The following PDHX variants were observed in gnomAD, a reference collection of about 807,000 sequenced individuals.
PDHX encodes the protein pyruvate dehydrogenase protein X component, mitochondrial.
PDHX carries 33 observed loss-of-function variants against 55.3 expected under a neutral mutation model. That is an observed-to-expected ratio of 0.60 (90% CI 0.45 to 0.80). PDHX has a LOEUF of 0.80. PDHX is among the 30% of genes least tolerant of loss of function. The pLI is 0.00. For missense variants in PDHX, 622 were observed against 619.9 expected, an observed-to-expected ratio of 1.00 and a Z score of -0.04; for synonymous variants, 226 against 219.4, an observed-to-expected ratio of 1.03 and a Z score of -0.27.
chr11:34,970,098 TC>T, intron 6 of PDHX, 40 bp from the exon 7 acceptor site: 1 of 1,588,838 alleles, frequency 6.3e-7, no homozygotes, highest in Non-Finnish European at 8.6e-7. Context: ...ATTTTTCTAT[TC>T]CACTTGTGGT....
chr11:34,941,119 T>A (rs1854465884), intron 2 of PDHX, among the ~76,000 whole-genome samples: 1 of 152,228 alleles, frequency 6.6e-6, no homozygotes. Context: ...CTTGTCTAAC[T>A]GGGCCCTTCT....
In PDHX at chr11:34,978,135, G is replaced by A; in HGVS notation, c.976G>A (p.Val326Ile). 1 of 1,551,718 alleles carries A rather than the reference G, an allele frequency of 6.4e-7. No individual in the cohort carries two copies. Among genetic ancestry groups the A allele is most frequent in the East Asian group, 2.2e-5 (1 of 44,462 alleles). Residue 326 changes from valine (V) to isoleucine (I), a missense_variant, in exon 8 of 11, where the codon GTA becomes ATA. Coordinates refer to ENST00000227868, the MANE Select transcript of PDHX (RefSeq NM_003477.3). The stretch of plus-strand genomic sequence containing the variant: ...TATTTTTCTTTCAGATGACATTAAA[G>A]TATCAGTAAATGATTTTATCATCAA... The part of the protein sequence containing the change: ...RQDLVKDDIK[V>I]SVNDFIIKAA...
intron 3 of PDHX, among the ~76,000 whole-genome samples, chr11:34,949,270 T>C (rs2956102): frequency 0.72 from 109,443 of 151,988 alleles, 39,509 homozygotes; most frequent in Middle Eastern, 0.78. Context: ...TTGTTTGAGA[T>C]GGAGTTTTGC....
intron 5 of PDHX, among the ~76,000 whole-genome samples, chr11:34,960,833 T>G (rs1855009439): frequency 6.6e-6 from 1 of 152,206 alleles, no homozygotes; most frequent in Non-Finnish European, 1.5e-5. Context: ...AATCATGCAA[T>G]AACATTTACA....
At chr11:34,922,214 A>G (rs773905313) in intron 1 of PDHX, among the ~76,000 whole-genome samples, 3 of 152,234 alleles carry the variant, frequency 2.0e-5, no homozygotes, top group Admixed American at 6.5e-5. Flanking sequence ...GACTTTGGCT[A>G]ATCAAGGGGA....
Position 34,916,743 on chromosome 11 carries a change from A to G in PDHX, c.88A>G (p.Lys30Glu). ...CGGCCGCCGAAGCGTAGGGCTGGTG[A>G]AGGGGGCTCTTGGGTGGTCTGTAAG... ...FPGRRSVGLVKGALGWSVSRG... is the reference protein window; with the variant it reads ...FPGRRSVGLVEGALGWSVSRG... The change falls in exon 1 of 11, where the codon AAG (lysine) becomes GAG (glutamate). Residue 30 changes from lysine to glutamate, a missense_variant. Lys to Glu is a moderately conservative substitution (Grantham distance 56). Transcript: ENST00000227868. 1 of 1,613,120 alleles carries G rather than the reference A, an allele frequency of 6.2e-7. No homozygotes were observed. The highest frequency in any genetic ancestry group is 1.1e-5 in the South Asian group (1 of 90,928).
At chr11:34,951,890 G>A (rs1447833993) in intron 3 of PDHX, among the ~76,000 whole-genome samples, 8 of 152,052 alleles carry the variant, frequency 5.3e-5, no homozygotes, top group African/African-American at 1.9e-4. Context: ...TGTAAGGAAG[G>A]GATCCAGTTT....
At chr11:34,972,915 G>A (rs1288963358) in intron 7 of PDHX, among the ~76,000 whole-genome samples, 2 of 152,054 alleles carry the variant, frequency 1.3e-5, no homozygotes, top group Non-Finnish European at 2.9e-5. Flanking sequence ...TTTTATGTTT[G>A]TAGTATGGTC....
chr11:34,965,321 G>T (rs186486609), intron 5 of PDHX, among the ~76,000 whole-genome samples: 1 of 152,312 alleles, frequency 6.6e-6, no homozygotes, highest in East Asian at 1.9e-4. Context: ...GAGGCCACGT[G>T]CAGGGCCTTG....
intron 3 of PDHX, among the ~76,000 whole-genome samples, chr11:34,953,795 G>A (rs1303742695): frequency 6.6e-6 from 1 of 152,116 alleles, no homozygotes; most frequent in African/African-American, 2.4e-5. Context: ...ACCTCTTCGT[G>A]CCTTAATTTT....
At chr11:34,981,604 T>C (rs1206927725) in intron 8 of PDHX, among the ~76,000 whole-genome samples, 1 of 152,180 alleles carries the variant, frequency 6.6e-6, no homozygotes, top group Non-Finnish European at 1.5e-5. Flanking sequence ...TGAACTAGTT[T>C]ACAGTCCCAC....
In PDHX at chr11:34,916,832, C is replaced by T. The variant is rs765733091; in HGVS notation, c.160+17C>T. On this transcript the variant is annotated intron_variant, in intron 1 of 10. Coordinates refer to ENST00000227868, the MANE Select transcript of PDHX (RefSeq NM_003477.3). ...GGCTTCGGGGTGAGTGGCCGGGGCTCGCTCAGCTTCTCTGTGTAGCTGAGT... is the reference window on the plus strand; with the variant it reads ...GGCTTCGGGGTGAGTGGCCGGGGCTTGCTCAGCTTCTCTGTGTAGCTGAGT... 1.3e-6 allele frequency: 2 copies of T among 1,555,066 alleles called. No individual in the cohort carries two copies. The highest frequency in any genetic ancestry group is 1.7e-4 in the Middle Eastern group (1 of 5,962).
intron 3 of PDHX, among the ~76,000 whole-genome samples, chr11:34,954,035 A>G (rs1261479344): frequency 6.6e-6 from 1 of 152,226 alleles, no homozygotes; most frequent in Non-Finnish European, 1.5e-5. Flanking sequence ...TTGTTCATAT[A>G]AGATAAACAG....
intron 5 of PDHX, among the ~76,000 whole-genome samples, chr11:34,960,956 A>G (rs1419737200): frequency 1.3e-5 from 2 of 151,822 alleles, no homozygotes; most frequent in Admixed American, 6.6e-5. Flanking sequence ...CTCTTTTTAG[A>G]TTTTCTTTTC....
In PDHX at chr11:34,995,037, A is replaced by G; in HGVS notation, c.1371A>G (p.Gly457=). 6.2e-7 allele frequency: 1 copy of G among 1,614,064 alleles called. No individual in the cohort carries two copies. Residue 457 remains glycine, a synonymous_variant, in exon 11 of 11, where the codon GGA becomes GGG. Transcript: ENST00000227868. ...PVLKLTEDEE[G]NAKLQQRQLI... is the part of the protein sequence containing the mutation. ...TGAAGCTCACTGAGGATGAAGAGGG[A>G]AATGCCAAACTGCAGCAGCGCCAGC...
At chr11:34,948,330 A>G (rs1161164406) in intron 3 of PDHX, among the ~76,000 whole-genome samples, 1 of 152,202 alleles carries the variant, frequency 6.6e-6, no homozygotes, top group African/African-American at 2.4e-5. Flanking sequence ...GCAACTGGAT[A>G]ATAAGTATCC....
At chr11:34,953,043 A>G (rs929335062) in intron 3 of PDHX, among the ~76,000 whole-genome samples, 2 of 152,092 alleles carry the variant, frequency 1.3e-5, no homozygotes, top group Non-Finnish European at 2.9e-5. Flanking sequence ...CTTATACACC[A>G]ATAACAGACA....
chr11:34,976,625 T>C (rs1855381088), intron 7 of PDHX, among the ~76,000 whole-genome samples: 1 of 151,996 alleles, frequency 6.6e-6, no homozygotes, highest in African/African-American at 2.4e-5. Context: ...GATGCCAACA[T>C]TGAGAGGAAA....
intron 3 of PDHX, among the ~76,000 whole-genome samples, chr11:34,949,328 C>T (rs907501721): frequency 6.6e-6 from 1 of 152,180 alleles, no homozygotes; most frequent in African/African-American, 2.4e-5. Context: ...CAACCTCCGC[C>T]TCCTGGGTTG....
Sources: allele counts gnomAD v4.1 joint callset (sites outside exome capture counted in the v4.1 genomes callset), GRCh38; gene constraint gnomAD v4.1.1; transcripts MANE v1.5; gene names NCBI Gene and HGNC (gene_info 2026-07-23, HGNC 2026-07-21).